The following C1QTNF3 variants were observed in gnomAD, a reference collection of about 807,000 sequenced individuals.
C1QTNF3 encodes the protein complement C1q tumor necrosis factor-related protein 3.
A neutral mutation model predicts 32.6 loss-of-function variants in C1QTNF3; 26 were observed. The ratio of observed to expected loss-of-function variants is 0.80; its 90% CI spans 0.58 to 1.11. The LOEUF (loss-of-function observed/expected upper bound fraction) is 1.11. C1QTNF3 is among the 50% of genes least tolerant of loss of function. The pLI, the probability that C1QTNF3 is intolerant of heterozygous loss-of-function variation, is 0.00. For synonymous variants in C1QTNF3, 155 were observed against 146.0 expected, an observed-to-expected ratio of 1.06 and a Z score of -0.44; for missense variants, 362 against 398.2, an observed-to-expected ratio of 0.91 and a Z score of 0.77.
At chr5:34,021,246 A>C (rs1224644691) in intron 5 of C1QTNF3, among the ~76,000 whole-genome samples, 2 of 152,224 alleles carry the variant, frequency 1.3e-5, no homozygotes, top group African/African-American at 2.4e-5. Context: ...GCAAGGAGCA[A>C]TGGGGAAACA....
At chr5:34,080,423 C>T in the C1QTNF3 span, among the ~76,000 whole-genome samples, 1 of 151,704 alleles carries the variant, frequency 6.6e-6, no homozygotes, top group Non-Finnish European at 1.5e-5. Context: ...AGAGCCTGTG[C>T]TGTTAAACAT....
At chr5:34,124,594 T>C in the C1QTNF3 span, 1 of 556,310 alleles carries the variant, frequency 1.8e-6, no homozygotes, top group Non-Finnish European at 3.3e-6. Flanking sequence ...GGGGATGGTA[T>C]TCATGAGGGA....
chr5:34,144,891 A>T, the C1QTNF3 span, among the ~76,000 whole-genome samples: 1 of 152,172 alleles, frequency 6.6e-6, no homozygotes, highest in South Asian at 2.1e-4. Flanking sequence ...GCACTTTGGG[A>T]GGCTGAGGCA....
the C1QTNF3 span, chr5:34,239,372 C>T: frequency 1.3e-5 from 2 of 152,140 alleles, no homozygotes; most frequent in African/African-American, 4.8e-5. Flanking sequence ...ATGCAAGGCT[C>T]ACCATCTGTA....
chr5:34,060,183 T>C, the C1QTNF3 span, among the ~76,000 whole-genome samples: 1 of 152,208 alleles, frequency 6.6e-6, no homozygotes, highest in Non-Finnish European at 1.5e-5. Flanking sequence ...TTGAGTAAAA[T>C]AATAGACCAA....
At chr5:34,176,324 A>G in the C1QTNF3 span, among the ~76,000 whole-genome samples, 1 of 151,588 alleles carries the variant, frequency 6.6e-6, no homozygotes, top group African/African-American at 2.4e-5. Flanking sequence ...TAGTGGGTGC[A>G]GCACACCAGC....
At chr5:34,055,436 AAC>A in the C1QTNF3 span, among the ~76,000 whole-genome samples, 2 of 152,196 alleles carry the variant, frequency 1.3e-5, no homozygotes, top group African/African-American at 2.4e-5. Context: ...ACACAATGAC[AAC>A]AGCCAATCAG....
the C1QTNF3 span, among the ~76,000 whole-genome samples, chr5:34,072,397 G>A: frequency 2.0e-5 from 3 of 151,196 alleles, no homozygotes; most frequent in Non-Finnish European, 2.9e-5. Context: ...AAGAAAGAAA[G>A]AAAGAAAGAA....
At chr5:34,056,479 T>TATATATATATAGAG in the C1QTNF3 span, among the ~76,000 whole-genome samples, 2 of 51,774 alleles carry the variant, frequency 3.9e-5, no homozygotes, top group Non-Finnish European at 6.7e-5. Flanking sequence ...TATATATATA[T>TATATATATATAGAG]AGAGAGAGAG....
At chr5:34,195,551 C>T in the C1QTNF3 span, among the ~76,000 whole-genome samples, 2 of 152,066 alleles carry the variant, frequency 1.3e-5, no homozygotes, top group Non-Finnish European at 2.9e-5. Flanking sequence ...CCTCAAAATT[C>T]ATATGATAGG....
At chr5:34,142,431 CAAA>C in the C1QTNF3 span, among the ~76,000 whole-genome samples, 1 of 133,604 alleles carries the variant, frequency 7.5e-6, no homozygotes. Flanking sequence ...GACTCCATCT[CAAA>C]AAAAAAAAAA....
intron 3 of C1QTNF3, among the ~76,000 whole-genome samples, chr5:34,030,023 T>C (rs1754571933): frequency 6.6e-6 from 1 of 152,196 alleles, no homozygotes. Flanking sequence ...TGAAAAGATA[T>C]TACGTAAATA....
At chr5:34,033,768 G>T (rs1754672682) in intron 2 of C1QTNF3, among the ~76,000 whole-genome samples, 1 of 152,058 alleles carries the variant, frequency 6.6e-6, no homozygotes. Context: ...ATACTAGGAG[G>T]GCATGACATA....
At chr5:34,219,865 CA>C in the C1QTNF3 span, 1 of 152,068 alleles carries the variant, frequency 6.6e-6, no homozygotes, top group Non-Finnish European at 1.5e-5. Context: ...GTTCTAGACA[CA>C]GGGGCTATAC....
At chr5:34,143,845 C>T in the C1QTNF3 span, among the ~76,000 whole-genome samples, 5 of 151,976 alleles carry the variant, frequency 3.3e-5, no homozygotes, top group African/African-American at 4.8e-5. Context: ...GCACATAGCC[C>T]GCAGACACTG....
intron 2 of C1QTNF3, among the ~76,000 whole-genome samples, 165 bp downstream of exon 2, chr5:34,035,482 T>C (rs1031031537): frequency 4.6e-5 from 7 of 152,220 alleles, no homozygotes. Flanking sequence ...GACTCAATGC[T>C]GTTGAGGAGC....
chr5:34,141,617 T>A, the C1QTNF3 span, among the ~76,000 whole-genome samples: 2 of 152,150 alleles, frequency 1.3e-5, no homozygotes, highest in African/African-American at 2.4e-5. Flanking sequence ...ATTACCCTGA[T>A]GAGGAGTCAG....
the C1QTNF3 span, among the ~76,000 whole-genome samples, chr5:34,068,354 C>T: frequency 6.6e-6 from 1 of 151,920 alleles, no homozygotes; most frequent in African/African-American, 2.4e-5. Context: ...TATTCTACAG[C>T]CTGAAAAACT....
chr5:34,033,076 G>T (rs889379486), intron 3 of C1QTNF3: 3 of 474,186 alleles, frequency 6.3e-6, no homozygotes, highest in African/African-American at 6.1e-5. Context: ...GAGGGACTTA[G>T]ATTTCACCCT....
Sources: gnomAD v4.1 joint callset for allele counts (sites outside exome capture counted in the v4.1 genomes callset) on GRCh38, gnomAD v4.1.1 for gene constraint, MANE v1.5 for transcripts, NCBI Gene and HGNC (gene_info 2026-07-23, HGNC 2026-07-21) for gene names.